Variants in PNPT1 observed in about 807,000 individuals in gnomAD.
The protein encoded by PNPT1 is polyribonucleotide nucleotidyltransferase 1.
In PNPT1, 53 loss-of-function variants were observed where a neutral mutation model predicts 119.5. That is an observed-to-expected ratio of 0.44 (90% CI 0.36 to 0.56). The LOEUF is 0.56. Among genes scored for constraint, PNPT1 ranks in the 20% least tolerant of loss-of-function variants. PNPT1 has a pLI of 0.00. For synonymous variants in PNPT1, 357 were observed against 322.1 expected, an observed-to-expected ratio of 1.11 and a Z score of -1.16; for missense variants, 948 against 938.5, an observed-to-expected ratio of 1.01 and a Z score of -0.13.
At chr2:55,668,426 C>T (rs866469191) in intron 11 of PNPT1, among the ~76,000 whole-genome samples, 5 of 151,878 alleles carry the variant, frequency 3.3e-5, no homozygotes, top group African/African-American at 4.8e-5. Context: ...TTAGTGGAGA[C>T]GGGGTTTTAC....
At chr2:55,661,852 C>A in intron 14 of PNPT1, 104 bp downstream of exon 14, 1 of 1,101,286 alleles carries the variant, frequency 9.1e-7, no homozygotes, top group African/African-American at 1.7e-5. Flanking sequence ...AGTACAAAAA[C>A]ACAGGTTAAA....
At chr2:55,643,551 C>T in intron 23 of PNPT1, 126 bp from the exon 24 acceptor site, 4 of 759,528 alleles carry the variant, frequency 5.3e-6, no homozygotes, top group East Asian at 2.6e-5. Context: ...TCAAGGCCAG[C>T]CTGGGCAACA....
At chr2:55,646,883 G>A (rs1696020478) in intron 19 of PNPT1, among the ~76,000 whole-genome samples, 1 of 152,136 alleles carries the variant, frequency 6.6e-6, no homozygotes, top group African/African-American at 2.4e-5. Flanking sequence ...CTGTTGCCCA[G>A]GATGGAGTGC....
At chr2:55,691,878 ATT>A (rs1227966046) in intron 1 of PNPT1, among the ~76,000 whole-genome samples, 536 of 31,706 alleles carry the variant, frequency 0.017, no homozygotes, top group Non-Finnish European at 0.018. Flanking sequence ...ATATATATAT[ATT>A]TTTTTTTTTT....
intron 25 of PNPT1, among the ~76,000 whole-genome samples, chr2:55,641,993 C>T (rs1315405862): frequency 6.6e-6 from 1 of 152,068 alleles, no homozygotes; most frequent in Non-Finnish European, 1.5e-5. Context: ...AGGCATGCAC[C>T]ACCATGCCTG....
At chr2:55,645,793 A>T (rs1335807513) in intron 21 of PNPT1, among the ~76,000 whole-genome samples, 1 of 151,730 alleles carries the variant, frequency 6.6e-6, no homozygotes, top group Non-Finnish European at 1.5e-5. Context: ...GGCCTCCCAA[A>T]GTGCTAGGAT....
At position 55,680,877 on chromosome 2, in the gene PNPT1, A is replaced by G. The variant is rs1697226377; in HGVS notation, c.495T>C (p.Pro165=). 6.2e-7 allele frequency: 1 copy of G among 1,613,966 alleles called. No homozygotes were observed. Among genetic ancestry groups the G allele is most frequent in the Admixed American group, 1.7e-5 (1 of 60,010 alleles). Residue 165 remains proline (P), a synonymous_variant, in exon 6 of 28, where the codon CCT becomes CCC. Coordinates refer to ENST00000447944, the MANE Select transcript of PNPT1 (RefSeq NM_033109.5). ...NLLAVDGVNE[P]DVLAINGASV... ...TACCGCCATTAATTGCTAGGACATC[A>G]GGCTCATTTACACCATCTACTGCTA...
chr2:55,677,220 C>G (rs1432045246), intron 8 of PNPT1, among the ~76,000 whole-genome samples: 1 of 152,228 alleles, frequency 6.6e-6, no homozygotes, highest in Non-Finnish European at 1.5e-5. Context: ...TCATTCTTCC[C>G]TCCTGTGAGC....
chr2:55,652,708 C>T (rs999622396), intron 18 of PNPT1, among the ~76,000 whole-genome samples: 2 of 152,144 alleles, frequency 1.3e-5, no homozygotes, highest in South Asian at 2.1e-4. Flanking sequence ...TATCATAAAC[C>T]GTAAAGCTGA....
At chr2:55,659,269 T>C (rs2104083262) in intron 15 of PNPT1, among the ~76,000 whole-genome samples, 1 of 152,300 alleles carries the variant, frequency 6.6e-6, no homozygotes, top group Middle Eastern at 3.4e-3. Context: ...ATGTACATTC[T>C]TCAAATAATA....
At chr2:55,647,477 T>G in intron 18 of PNPT1, 24 bp from the exon 19 acceptor site, 1 of 1,546,740 alleles carries the variant, frequency 6.5e-7, no homozygotes, top group Non-Finnish European at 8.8e-7. Context: ...AAAGAACAAC[T>G]GTGGGTAATG....
At chr2:55,687,856 C>G in intron 1 of PNPT1, 151 bp from the exon 2 acceptor site, 1 of 568,284 alleles carries the variant, frequency 1.8e-6, no homozygotes. Context: ...TGATCATTAT[C>G]AAAAGTAAAA....
intron 13 of PNPT1, among the ~76,000 whole-genome samples, chr2:55,663,696 C>G (rs774080380): frequency 4.6e-5 from 7 of 151,912 alleles, no homozygotes; most frequent in Non-Finnish European, 1.0e-4. Context: ...AACACTGAAA[C>G]GGCTGGGTGC....
chr2:55,655,109 T>C (rs1281573702), intron 17 of PNPT1, among the ~76,000 whole-genome samples, 156 bp from the exon 18 acceptor site: 3 of 152,200 alleles, frequency 2.0e-5, no homozygotes, highest in Non-Finnish European at 4.4e-5. Context: ...TTTTAAGCTA[T>C]AAACTATGGG....
intron 18 of PNPT1, among the ~76,000 whole-genome samples, chr2:55,653,278 G>A (rs745347191): frequency 3.3e-5 from 5 of 152,070 alleles, no homozygotes; most frequent in African/African-American, 7.2e-5. Flanking sequence ...TAATAAGAAC[G>A]TTTTCTGTCC....
At chr2:55,663,172 C>G (rs1041893985) in intron 13 of PNPT1, among the ~76,000 whole-genome samples, 2 of 152,146 alleles carry the variant, frequency 1.3e-5, no homozygotes, top group Non-Finnish European at 2.9e-5. Context: ...GCGTGAGCCA[C>G]CACGCCCGGC....
chr2:55,656,196 T>A lies in PNPT1; in HGVS notation c.1376A>T (p.Tyr459Phe). Residue 459 changes from tyrosine to phenylalanine, a missense_variant, in exon 17 of 28, where the codon TAT becomes TTT. Tyr to Phe is a conservative substitution (Grantham distance 22, BLOSUM62 3). Transcript: ENST00000447944. ...GHGALAEKAL[Y>F]PVIPRDFPFT... ...AGGAAAATCTCGGGGAATAACAGGATACAAAGCTTTCTCAGCAAGAGCACC... is the reference window on the plus strand; with the variant it reads ...AGGAAAATCTCGGGGAATAACAGGAAACAAAGCTTTCTCAGCAAGAGCACC... 6.2e-7 allele frequency: 1 copy of A among 1,613,432 alleles called. No homozygotes were observed.
rs1176793371 is a variant in PNPT1 at position 55,666,980 on chromosome 2, A to G, written c.1176+11T>C. 2 of 1,520,052 alleles carry G rather than the reference A, an allele frequency of 1.3e-6. No individual in the cohort carries two copies. Among genetic ancestry groups the G allele is most frequent in the Non-Finnish European group, 8.9e-7 (1 of 1,125,536 alleles). The allele number at this position is 1,520,052 out of a possible 1,614,324, so 94.2% of individuals were successfully genotyped here. A position where few individuals can be genotyped will look rare whatever the true frequency, so the allele number is the denominator to read the frequency against. ...ATTTAGCAAATAATTAGAGCTTTTT[A>G]TATAAATTACCTGTGTTTGTCCTCT... On this transcript the variant is annotated intron_variant, in intron 13 of 27. Coordinates refer to ENST00000447944, the MANE Select transcript of PNPT1 (RefSeq NM_033109.5).
At chr2:55,687,333 G>A (rs377284314) in intron 2 of PNPT1, among the ~76,000 whole-genome samples, 14 of 151,700 alleles carry the variant, frequency 9.2e-5, no homozygotes, top group Admixed American at 4.6e-4. Context: ...CCAGCTACTC[G>A]GGAGGCTGAG....
Sources: gnomAD v4.1 joint callset for allele counts (sites outside exome capture counted in the v4.1 genomes callset) on GRCh38, gnomAD v4.1.1 for gene constraint, MANE v1.5 for transcripts, NCBI Gene and HGNC (gene_info 2026-07-23, HGNC 2026-07-21) for gene names.